Variants in ELMOD3 observed in about 807,000 individuals in gnomAD.
ELMOD3 encodes the protein ELMO domain-containing protein 3.
Under a neutral mutation model 47.4 loss-of-function variants are expected in ELMOD3, and 36 were observed. The ratio of observed to expected loss-of-function variants is 0.76; its 90% CI spans 0.58 to 1.00. ELMOD3 has a LOEUF of 1.00. ELMOD3 is among the 50% of genes least tolerant of loss of function. The pLI is 0.00. For missense variants in ELMOD3, 404 were observed against 463.8 expected, an observed-to-expected ratio of 0.87 and a Z score of 1.18; for synonymous variants, 149 against 183.5, an observed-to-expected ratio of 0.81 and a Z score of 1.52.
At chr2:85,386,187 G>C (rs891131046) in intron 11 of ELMOD3, among the ~76,000 whole-genome samples, 2 of 152,144 alleles carry the variant, frequency 1.3e-5, no homozygotes, top group Non-Finnish European at 2.9e-5. Context: ...AAGCCCAAAC[G>C]TGAGGCATGA....
At position 85,364,822 on chromosome 2, in the gene ELMOD3, TA is replaced by T. The variant is rs1439306754; in HGVS notation, c.199+1657del. ...TTAAATACATATATATATATATATA[TA>T]TATTTTTTTTTTTTTTTTTTTTTTT... On this transcript the variant is annotated intron_variant, in intron 6 of 13. Coordinates refer to ENST00000409013, the MANE Select transcript of ELMOD3 (RefSeq NM_001135022.2). 1.1e-3 allele frequency among the ~76,000 whole-genome samples: 100 copies of T among 93,530 alleles called. 1 individual carries two copies. The highest frequency in any genetic ancestry group is 2.3e-3 in the African/African-American group (45 of 19,990). 61.4% of individuals were successfully genotyped at this position (93,530 alleles called of 152,430 possible).
chr2:85,358,150 A>T (rs567739678), intron 4 of ELMOD3, among the ~76,000 whole-genome samples: 19 of 151,930 alleles, frequency 1.3e-4, no homozygotes, highest in Middle Eastern at 3.4e-3. Flanking sequence ...ATGGTGGTGC[A>T]TGCCTGTAAT....
intron 11 of ELMOD3, 140 bp downstream of exon 11, chr2:85,377,614 G>A: frequency 3.6e-6 from 3 of 828,280 alleles, no homozygotes; most frequent in Non-Finnish European, 5.2e-6. Context: ...AATATGAGCT[G>A]TACCGCTCAT....
rs541033789 is a variant in ELMOD3 at position 85,377,263 on chromosome 2, A to G, written c.608-81A>G. ...TGCTCCGCTAGCCTGGGAAGAGGCC[A>G]GTGTCAGGGCAGCTTCCCATGGCAA... On this transcript the variant is annotated intron_variant, in intron 10 of 13. Transcript: ENST00000409013. 28 of 1,317,582 alleles carry G rather than the reference A, an allele frequency of 2.1e-5. No homozygotes were observed. The African/African-American group carries it at 3.6e-4, about 17-fold the overall frequency. 81.6% of individuals were successfully genotyped at this position (1,317,582 alleles called of 1,614,324 possible). A position where few individuals can be genotyped will look rare whatever the true frequency, so the allele number is the denominator to read the frequency against.
rs370908321 is a variant in ELMOD3 at position 85,390,270 on chromosome 2, G to A, written c.943+5G>A. The A allele has an allele frequency of 1.9e-6, 3 of 1,614,184 alleles. No homozygotes were observed. The highest frequency in any genetic ancestry group is 2.5e-6 in the Non-Finnish European group (3 of 1,180,054). ...ACTCGGGCTTTGTCCTCAAAGGTGT[G>A]CTCTTTCTTCTGGGGAGGCCTAGGC... is the stretch of plus-strand genomic sequence containing the variant. On this transcript the variant is annotated splice_donor_5th_base_variant and intron_variant, in intron 13 of 13. Transcript: ENST00000409013.
chr2:85,381,875 T>C (rs368647989), intron 11 of ELMOD3, among the ~76,000 whole-genome samples: 4 of 152,216 alleles, frequency 2.6e-5, no homozygotes, highest in East Asian at 1.9e-4. Context: ...CCCAGCACTT[T>C]GGGAGGCCGA....
chr2:85,366,775 A>T (rs181585473), intron 6 of ELMOD3, among the ~76,000 whole-genome samples: 12 of 152,352 alleles, frequency 7.9e-5, no homozygotes, highest in African/African-American at 1.4e-4. Flanking sequence ...CATTTCATTT[A>T]ATCTGCAGGT....
At chr2:85,359,569 G>A (rs374782637) in intron 4 of ELMOD3, among the ~76,000 whole-genome samples, 3 of 151,416 alleles carry the variant, frequency 2.0e-5, no homozygotes, top group East Asian at 3.9e-4. Context: ...CACCACGCCC[G>A]GTGTGCTAAA....
chr2:85,368,554 TG>T (rs1231137523), intron 6 of ELMOD3, 131 bp from the exon 7 acceptor site: 7 of 749,116 alleles, frequency 9.3e-6, no homozygotes, highest in Non-Finnish European at 1.6e-5. Flanking sequence ...CACTCCAGCC[TG>T]GGCAACACAG....
rs550119349 is a variant in ELMOD3 at position 85,368,619 on chromosome 2, G to A, written c.200-67G>A. The A allele has an allele frequency of 1.6e-5, 24 of 1,517,520 alleles. 1 individual carries two copies. The South Asian group carries it at 2.6e-4, about 16-fold the overall frequency. 94.0% of individuals were successfully genotyped at this position (1,517,520 alleles called of 1,614,324 possible). A position where few individuals can be genotyped will look rare whatever the true frequency, so the allele number is the denominator to read the frequency against. Reference sequence around the variant, plus strand: ...AGGCCCAAGGCAGGCAGACAAGGCTGGGGTCTGCAGTAGAGGCCCAGACAT... The same window carrying A: ...AGGCCCAAGGCAGGCAGACAAGGCTAGGGTCTGCAGTAGAGGCCCAGACAT... On this transcript the variant is annotated intron_variant, in intron 6 of 13. Coordinates refer to ENST00000409013, the MANE Select transcript of ELMOD3 (RefSeq NM_001135022.2).
At chr2:85,371,783 C>T (rs1024502660) in intron 10 of ELMOD3, 1 of 493,010 alleles carries the variant, frequency 2.0e-6, no homozygotes, top group Admixed American at 3.5e-5. Flanking sequence ...CCTGTAATCC[C>T]AGCACTTTGG....
chr2:85,372,837 C>G (rs1307930820), intron 10 of ELMOD3: 1 of 142,594 alleles, frequency 7.0e-6, no homozygotes, highest in Non-Finnish European at 1.5e-5. Context: ...TTGCAGTGAG[C>G]CAGGATTGCG....
chr2:85,364,825 A>ATATATATATATATTTTTTTTTTTT (rs375582916), intron 6 of ELMOD3, among the ~76,000 whole-genome samples: 3 of 69,894 alleles, frequency 4.3e-5, no homozygotes, highest in African/African-American at 2.0e-4. Flanking sequence ...ATATATATAT[A>ATATATATATATATTTTTTTTTTTT]TTTTTTTTTT....
chr2:85,361,202 G>A (rs999158825), intron 4 of ELMOD3, among the ~76,000 whole-genome samples: 3 of 138,710 alleles, frequency 2.2e-5, no homozygotes, highest in East Asian at 3.9e-4. Context: ...GAGTATTTTG[G>A]TCGGTTTTTT....
chr2:85,373,960 G>A (rs1281358099), intron 10 of ELMOD3, among the ~76,000 whole-genome samples: 1 of 77,484 alleles, frequency 1.3e-5, no homozygotes, highest in Admixed American at 1.6e-4. Flanking sequence ...ACTTCCTTTA[G>A]TTATTCTCTT....
At chr2:85,371,621 A>G in intron 10 of ELMOD3, 59 bp downstream of exon 10, 1 of 1,606,624 alleles carries the variant, frequency 6.2e-7, no homozygotes, top group Non-Finnish European at 8.5e-7. Flanking sequence ...GACTAGAGTG[A>G]GAGGCCAGGT....
intron 4 of ELMOD3, among the ~76,000 whole-genome samples, chr2:85,361,633 G>A (rs1285684316): frequency 6.6e-6 from 1 of 152,102 alleles, no homozygotes; most frequent in Non-Finnish European, 1.5e-5. Flanking sequence ...GGGGCCTATT[G>A]GAAAGTGGAG....
intron 4 of ELMOD3, 105 bp downstream of exon 4, chr2:85,357,357 C>T: frequency 3.0e-6 from 2 of 663,438 alleles, no homozygotes; most frequent in Non-Finnish European, 5.0e-6. Flanking sequence ...TAGAAACCCT[C>T]ATTATAGTTC....
chr2:85,369,508 A>T (rs1056519624), intron 7 of ELMOD3, among the ~76,000 whole-genome samples: 2 of 152,222 alleles, frequency 1.3e-5, no homozygotes, highest in Non-Finnish European at 2.9e-5. Flanking sequence ...GATCCGCCCC[A>T]TACCCACCAC....
Sources: allele counts gnomAD v4.1 joint callset (sites outside exome capture counted in the v4.1 genomes callset), GRCh38; gene constraint gnomAD v4.1.1; transcripts MANE v1.5; gene names NCBI Gene and HGNC (gene_info 2026-07-23, HGNC 2026-07-21).